Variants in MDN1 observed in about 807,000 individuals in gnomAD.
MDN1 encodes the protein midasin.
MDN1 carries 266 observed loss-of-function variants against 669.2 expected under a neutral mutation model. The observed-to-expected ratio is 0.40, with a 90% confidence interval of 0.36 to 0.44. The LOEUF (loss-of-function observed/expected upper bound fraction) is 0.44, where lower values mean the gene tolerates loss of function less well. Ranked by LOEUF, MDN1 falls within the 20% of genes least tolerant of loss-of-function variation. The pLI, the probability that MDN1 is intolerant of heterozygous loss-of-function variation, is 1.00. For missense variants in MDN1, 5,940 were observed against 6,754.0 expected (o/e 0.88, Z 4.22); for synonymous variants, 2,385 against 2,457.1 (o/e 0.97, Z 0.87).
chr6:89,746,611 A>AAAAAGAAAGAAAGAAAG (rs1554191094), intron 27 of MDN1, among the ~76,000 whole-genome samples: 3 of 40,544 alleles, frequency 7.4e-5, no homozygotes, highest in African/African-American at 2.7e-4. Context: ...AAAAAAAAAA[A>AAAAAGAAAGAAAGAAAG]AAAGAAAGAA....
At chr6:89,809,215 CA>C (rs1167270500) in intron 1 of MDN1, among the ~76,000 whole-genome samples, 17,651 of 59,788 alleles carry the variant, frequency 0.3, 463 homozygotes, top group Non-Finnish European at 0.31. Context: ...GACACTGTCT[CA>C]AAAAAAAAAA....
chr6:89,685,990 A>G lies in MDN1; in HGVS notation c.11573-17T>C, dbSNP rs1562088100. On this transcript the variant is annotated splice_polypyrimidine_tract_variant and intron_variant, in intron 69 of 101. Coordinates refer to ENST00000369393, the MANE Select transcript of MDN1 (RefSeq NM_014611.3). ...GTTTGTCATCTTTAAAAATTCAAAG[A>G]GAAAAATATATATGTTCCTTCGACC... is the stretch of plus-strand genomic sequence containing the variant. The G allele has an allele frequency of 1.9e-6, 3 of 1,609,528 alleles. No homozygotes were observed. The African/African-American group carries it at 4.0e-5, about 22-fold the overall frequency.
intron 15 of MDN1, among the ~76,000 whole-genome samples, chr6:89,764,441 C>T (rs965684779): frequency 2.0e-5 from 3 of 152,088 alleles, no homozygotes; most frequent in Non-Finnish European, 2.9e-5. Flanking sequence ...CCTGTCTCTA[C>T]AAAAAATATA....
At chr6:89,684,393 A>T (rs1380002315) in intron 71 of MDN1, among the ~76,000 whole-genome samples, 13 of 150,638 alleles carry the variant, frequency 8.6e-5, no homozygotes, top group East Asian at 1.9e-4. Flanking sequence ...AGTGATTTAA[A>T]AAAAAAAAAA....
intron 15 of MDN1, among the ~76,000 whole-genome samples, chr6:89,764,332 C>T (rs376775796): frequency 1.2e-4 from 18 of 152,124 alleles, no homozygotes; most frequent in Non-Finnish European, 2.2e-4. Context: ...AGGCCAGGTG[C>T]GGTGGCTCAC....
At chr6:89,784,916 G>T in intron 9 of MDN1, 96 bp downstream of exon 9, 1 of 767,782 alleles carries the variant, frequency 1.3e-6, no homozygotes, top group Non-Finnish European at 2.2e-6. Flanking sequence ...CAAAATTTAG[G>T]TTGATGAGGG....
intron 93 of MDN1, 105 bp downstream of exon 93, chr6:89,654,059 T>A: frequency 7.7e-7 from 1 of 1,298,474 alleles, no homozygotes; most frequent in Non-Finnish European, 1.1e-6. Flanking sequence ...ATCTAAGCCA[T>A]GGATTAGGAC....
intron 1 of MDN1, among the ~76,000 whole-genome samples, chr6:89,805,946 T>C (rs72919954): frequency 6.6e-6 from 1 of 152,086 alleles, no homozygotes. Context: ...ATACCTTTTT[T>C]TTTTCTTTTG....
Position 89,670,965 on chromosome 6 carries a change from T to C in MDN1, c.13910A>G (p.Lys4637Arg). 1.2e-6 allele frequency: 2 copies of C among 1,614,128 alleles called. No homozygotes were observed. Among genetic ancestry groups the C allele is most frequent in the Non-Finnish European group, 1.7e-6 (2 of 1,180,020 alleles). ...MSLATHRSTA[K>R]LLSVLAQVFT... ...GACCTGGGCAAGCACAGAGAGCAGCTTTGCAGTACTACGGTGAGTTGCTAA... is the reference window on the plus strand; with the variant it reads ...GACCTGGGCAAGCACAGAGAGCAGCCTTGCAGTACTACGGTGAGTTGCTAA... Residue 4637 changes from lysine (K) to arginine (R), a missense_variant, in exon 83 of 102, where the codon AAG becomes AGG. Physicochemically the swap from Lys to Arg is conservative, Grantham distance 26. This residue lies in a region of MDN1 where 2,280 missense variants were observed against 2,576.3 expected (regional missense o/e 0.88). Coordinates refer to ENST00000369393, the MANE Select transcript of MDN1 (RefSeq NM_014611.3).
chr6:89,664,358 T>G, intron 85 of MDN1, 129 bp downstream of exon 85: 1 of 1,132,516 alleles, frequency 8.8e-7, no homozygotes, highest in Non-Finnish European at 1.3e-6. Context: ...AGGTTTTCAT[T>G]TGCACTTAAG....
chr6:89,810,307 G>A (rs1034741804), intron 1 of MDN1, among the ~76,000 whole-genome samples: 3 of 151,608 alleles, frequency 2.0e-5, no homozygotes, highest in African/African-American at 7.3e-5. Flanking sequence ...ATGGTGGCGG[G>A]TGCCTGTAGT....
chr6:89,751,275 C>T (rs1816932123), intron 23 of MDN1, 156 bp downstream of exon 23: 1 of 922,096 alleles, frequency 1.1e-6, no homozygotes, highest in Non-Finnish European at 1.6e-6. Context: ...AAGTTTTCTA[C>T]CAGGAAAAAG....
At chr6:89,810,663 A>C (rs1009685383) in intron 1 of MDN1, among the ~76,000 whole-genome samples, 1 of 152,094 alleles carries the variant, frequency 6.6e-6, no homozygotes, top group Non-Finnish European at 1.5e-5. Flanking sequence ...TGTCATCGCC[A>C]CATGGCCATC....
chr6:89,752,685 T>C lies in MDN1; in HGVS notation c.3075+827A>G, dbSNP rs566122100. Among the ~76,000 whole-genome samples the C allele has an allele frequency of 3.3e-5, 5 of 152,266 alleles. No individual in the cohort carries two copies. In the South Asian group the frequency reaches 1.0e-3, roughly 32 times the overall value. ...AGAAGGTATAGATTATACCTAACTG[T>C]GTAGTTAAACTATGCAAATAGTGAA... On this transcript the variant is annotated intron_variant, in intron 22 of 101. Transcript: ENST00000369393.
chr6:89,674,818 G>C (rs1303242046), intron 78 of MDN1, among the ~76,000 whole-genome samples: 1 of 152,162 alleles, frequency 6.6e-6, no homozygotes, highest in African/African-American at 2.4e-5. Flanking sequence ...CACCACTACA[G>C]TGACTTCAAC....
Position 89,803,691 on chromosome 6 carries a change from C to T in MDN1, c.103-137G>A, listed in dbSNP as rs1011159848. The T allele has an allele frequency of 7.8e-5, 51 of 656,360 alleles. No homozygotes were observed. The South Asian group carries it at 9.0e-4, about 12-fold the overall frequency. The allele number at this position is 656,360 out of a possible 1,614,324, so 40.7% of individuals were successfully genotyped here. ...CCACCTCCCGGGTTCATGCCATTCT[C>T]CTGCCCGAGCCGCCCAAGTAGCTGG... On this transcript the variant is annotated intron_variant, in intron 1 of 101. Coordinates refer to ENST00000369393, the MANE Select transcript of MDN1 (RefSeq NM_014611.3).
At chr6:89,646,929 G>C (rs1174550334) in intron 99 of MDN1, among the ~76,000 whole-genome samples, 1 of 152,120 alleles carries the variant, frequency 6.6e-6, no homozygotes, top group Non-Finnish European at 1.5e-5. Flanking sequence ...AGCACTACAG[G>C]TATGTGCCAC....
rs573144993 is a variant in MDN1 at position 89,771,995 on chromosome 6, C to T, written c.2084-374G>A. On this transcript the variant is annotated intron_variant, in intron 14 of 101. Transcript: ENST00000369393. Reference sequence around the variant, plus strand: ...GTGCTAGGATTACAGGCATGAGCCACTGCGCCCAGCAATAAGGTAAATTTT... The same window carrying T: ...GTGCTAGGATTACAGGCATGAGCCATTGCGCCCAGCAATAAGGTAAATTTT... 5.9e-5 allele frequency among the ~76,000 whole-genome samples: 9 copies of T among 152,316 alleles called. No homozygotes were observed. The East Asian group carries it at 9.7e-4, about 16-fold the overall frequency.
intron 89 of MDN1, 47 bp from the exon 90 acceptor site, chr6:89,658,417 G>T (rs199871382): frequency 6.2e-7 from 1 of 1,610,180 alleles, no homozygotes; most frequent in East Asian, 2.2e-5. Context: ...TGGGGGAACA[G>T]CATAAGGTGG....
Sources: gnomAD v4.1 joint callset for allele counts (sites outside exome capture counted in the v4.1 genomes callset) on GRCh38, gnomAD v4.1.1 for gene constraint, gnomAD v4.1.1 regional missense constraint, MANE v1.5 for transcripts, NCBI Gene and HGNC (gene_info 2026-07-23, HGNC 2026-07-21) for gene names.